GRID2: variants seen among roughly 807,000 people sequenced by gnomAD.
The protein encoded by GRID2 is glutamate ionotropic receptor delta type subunit 2.
GRID2 carries 33 observed loss-of-function variants against 114.8 expected under a neutral mutation model. That is an observed-to-expected ratio of 0.29 (90% CI 0.22 to 0.38). The LOEUF (loss-of-function observed/expected upper bound fraction) is 0.38. Ranked by LOEUF, GRID2 falls within the 10% of genes least tolerant of loss-of-function variation. The probability of loss-of-function intolerance (pLI) is 1.00; values close to 1 mark genes in which losing one functional copy is unlikely to be tolerated. For synonymous variants in GRID2, 505 were observed against 449.9 expected, an observed-to-expected ratio of 1.12 and a Z score of -1.55; for missense variants, 1,184 against 1,257.7, an observed-to-expected ratio of 0.94 and a Z score of 0.89.
chr4:92,423,098 C>T (rs1387435791), intron 1 of GRID2, among the ~76,000 whole-genome samples: 1 of 152,084 alleles, frequency 6.6e-6, no homozygotes, highest in African/African-American at 2.4e-5. Context: ...AGAGTAGATT[C>T]TAGCGAGCCA....
intron 1 of GRID2, among the ~76,000 whole-genome samples, chr4:92,571,924 G>A (rs1727643113): frequency 1.3e-5 from 2 of 152,072 alleles, no homozygotes; most frequent in South Asian, 4.1e-4. Context: ...GCCTACAAGA[G>A]AAAGTAGAAA....
At chr4:92,538,986 G>A (rs1176451373) in intron 1 of GRID2, among the ~76,000 whole-genome samples, 1 of 150,118 alleles carries the variant, frequency 6.7e-6, no homozygotes, top group Non-Finnish European at 1.5e-5. Flanking sequence ...AGCTTGCAGT[G>A]AGCCGAGATC....
chr4:93,549,981 A>G (rs1023371624), intron 13 of GRID2, among the ~76,000 whole-genome samples: 3 of 152,214 alleles, frequency 2.0e-5, no homozygotes, highest in Non-Finnish European at 4.4e-5. Flanking sequence ...TAGGCATGAA[A>G]TCAGAATAGC....
intron 1 of GRID2, among the ~76,000 whole-genome samples, chr4:92,509,898 G>T (rs1724158615): frequency 1.3e-5 from 2 of 151,952 alleles, no homozygotes; most frequent in South Asian, 4.1e-4. Context: ...ATAAGGGAAG[G>T]CCAAATTATG....
At chr4:92,918,987 T>A (rs999513632) in intron 2 of GRID2, among the ~76,000 whole-genome samples, 7 of 152,140 alleles carry the variant, frequency 4.6e-5, no homozygotes, top group African/African-American at 1.7e-4. Flanking sequence ...GTCCTGGACT[T>A]TTTTTGGTTA....
At chr4:93,037,850 A>ATAGTTTGAAGTTAGG (rs1326022380) in intron 2 of GRID2, among the ~76,000 whole-genome samples, 3 of 152,100 alleles carry the variant, frequency 2.0e-5, no homozygotes, top group Non-Finnish European at 4.4e-5. Context: ...GCCTTGTAGT[A>ATAGTTTGAAGTTAGG]TAGTTTGAAG....
rs749861592 is a variant in GRID2, at chr4:93,626,442, T to C, written c.2360+7T>C. 1 of 1,585,592 alleles carries C rather than the reference T, an allele frequency of 6.3e-7. No individual in the cohort carries two copies. Among genetic ancestry groups the C allele is most frequent in the Non-Finnish European group, 8.6e-7 (1 of 1,158,510 alleles). ...GAGATGTTTTTTCACAAAGGTAAGA[T>C]TTGTGTATGACCAAATAAGGGGAGA... On this transcript the variant is annotated splice_region_variant and intron_variant, in intron 14 of 15. Coordinates refer to ENST00000282020, the MANE Select transcript of GRID2 (RefSeq NM_001510.4).
intron 2 of GRID2, among the ~76,000 whole-genome samples, chr4:92,768,322 T>A: frequency 6.6e-6 from 1 of 152,224 alleles, no homozygotes; most frequent in East Asian, 1.9e-4. Context: ...AAAAATTTTT[T>A]ACTTTTCAAA....
At chr4:93,216,405 G>T (rs1310765688) in intron 5 of GRID2, among the ~76,000 whole-genome samples, 1 of 151,928 alleles carries the variant, frequency 6.6e-6, no homozygotes, top group African/African-American at 2.4e-5. Flanking sequence ...AACTTACTTT[G>T]TGACCTTTTT....
chr4:92,402,354 G>A lies in GRID2; in HGVS notation c.88+97610G>A, dbSNP rs537889993. On this transcript the variant is annotated intron_variant, in intron 1 of 15. Coordinates refer to ENST00000282020, the MANE Select transcript of GRID2 (RefSeq NM_001510.4). ...CTAGAGTGGAGAATCCTTTCCTGAA[G>A]GTTTTCAACATATCTGCCCAAATCC... Among the ~76,000 whole-genome samples the A allele has an allele frequency of 4.6e-5, 7 of 152,132 alleles. No homozygotes were observed. In the East Asian group the frequency reaches 1.2e-3, roughly 25 times the overall value.
At chr4:92,815,745 T>G (rs1383278656) in intron 2 of GRID2, among the ~76,000 whole-genome samples, 2 of 150,456 alleles carry the variant, frequency 1.3e-5, no homozygotes, top group East Asian at 3.9e-4. Flanking sequence ...ATACTTCATC[T>G]CTACAAAATA....
At chr4:93,691,544 T>G (rs1726565562) in intron 14 of GRID2, among the ~76,000 whole-genome samples, 1 of 152,100 alleles carries the variant, frequency 6.6e-6, no homozygotes, top group Admixed American at 6.6e-5. Flanking sequence ...TAAAAGTTAT[T>G]AGAAGTTATT....
At chr4:93,073,690 A>C (rs1729013247) in intron 2 of GRID2, among the ~76,000 whole-genome samples, 1 of 152,188 alleles carries the variant, frequency 6.6e-6, no homozygotes, top group Admixed American at 6.5e-5. Flanking sequence ...TATGGGGTAC[A>C]TGCAAAGACC....
intron 2 of GRID2, among the ~76,000 whole-genome samples, chr4:92,820,805 ATATC>A (rs1741234414): frequency 6.6e-6 from 1 of 152,124 alleles, no homozygotes; most frequent in Non-Finnish European, 1.5e-5. Context: ...ACTGAAATCA[ATATC>A]TATTAAAATT....
At chr4:92,974,101 G>T (rs1385668389) in intron 2 of GRID2, among the ~76,000 whole-genome samples, 1 of 152,146 alleles carries the variant, frequency 6.6e-6, no homozygotes, top group African/African-American at 2.4e-5. Context: ...CATCATCACT[G>T]GTCATTGGAG....
At chr4:92,717,741 A>G (rs1308776167) in intron 2 of GRID2, among the ~76,000 whole-genome samples, 1 of 152,206 alleles carries the variant, frequency 6.6e-6, no homozygotes, top group Non-Finnish European at 1.5e-5. Context: ...GAACTACAAG[A>G]AAATAGTGTT....
chr4:93,049,710 AT>A (rs1401510727), intron 2 of GRID2, among the ~76,000 whole-genome samples: 1 of 151,850 alleles, frequency 6.6e-6, no homozygotes, highest in Non-Finnish European at 1.5e-5. Flanking sequence ...AATTAAAAAT[AT>A]TTTTCTTCCA....
intron 5 of GRID2, among the ~76,000 whole-genome samples, chr4:93,211,933 A>G (rs956601375): frequency 6.6e-6 from 1 of 150,576 alleles, no homozygotes; most frequent in Non-Finnish European, 1.5e-5. Flanking sequence ...ATTCTCATTC[A>G]TCCACTTTAT....
At chr4:93,508,417 C>T (rs1231052099) in intron 12 of GRID2, among the ~76,000 whole-genome samples, 1 of 151,886 alleles carries the variant, frequency 6.6e-6, no homozygotes, top group African/African-American at 2.4e-5. Context: ...GGATACTCTC[C>T]ATCTCCTTAC....
Sources: gnomAD v4.1 joint callset for allele counts (sites outside exome capture counted in the v4.1 genomes callset) on GRCh38, gnomAD v4.1.1 for gene constraint, MANE v1.5 for transcripts, NCBI Gene and HGNC (gene_info 2026-07-23, HGNC 2026-07-21) for gene names.